Variants in HSF4 observed in about 807,000 individuals in gnomAD.
The protein encoded by HSF4 is heat shock factor protein 4.
Under a neutral mutation model 52.0 loss-of-function variants are expected in HSF4, and 41 were observed. That is an observed-to-expected ratio of 0.79 (90% CI 0.61 to 1.02). HSF4 has a LOEUF of 1.02. Among genes scored for constraint, HSF4 ranks in the 50% least tolerant of loss-of-function variants. HSF4 has a pLI of 0.00. For missense variants in HSF4, 610 were observed against 651.1 expected, an observed-to-expected ratio of 0.94 and a Z score of 0.69; for synonymous variants, 285 against 273.0, an observed-to-expected ratio of 1.04 and a Z score of -0.43.
At chr16:67,164,116 A>AG (rs2031065292), upstream of HSF4, 2 of 670,098 alleles carry the variant, frequency 3.0e-6, no homozygotes, top group Non-Finnish European at 5.5e-6. Context: ...AGGGAGAGGG[A>AG]GGGCACGGGC....
At chr16:67,164,100 C>T (rs1459145609), upstream of HSF4, 3 of 680,712 alleles carry the variant, frequency 4.4e-6, no homozygotes, top group South Asian at 1.5e-5. Flanking sequence ...TCCGCGGCCC[C>T]GGCGCAGGGA....
upstream of HSF4, chr16:67,164,558 A>ACCCCCCCCCCCCCCCCCCCCC: frequency 2.7e-6 from 1 of 376,948 alleles, no homozygotes. Context: ...ATCTCACCCC[A>ACCCCCCCCCCCCCCCCCCCCC]CCCCACCCCA....
At chr16:67,164,714 G>A (rs1390448091), upstream of HSF4, 1 of 1,385,758 alleles carries the variant, frequency 7.2e-7, no homozygotes, top group South Asian at 1.5e-5. Context: ...GCCCCGGGGC[G>A]GAGTAGGGCG....
At chr16:67,167,371 C>T in intron 7 of HSF4, 104 bp from the exon 8 acceptor site, 2 of 1,611,138 alleles carry the variant, frequency 1.2e-6, no homozygotes, top group Admixed American at 1.7e-5. Context: ...TGAGCCTCCT[C>T]CCTCAAACCT....
In HSF4 at chr16:67,169,492, T is replaced by G; in HGVS notation, c.1325-139T>G. ...AGCGTTCCTTGAGCCACCCATGCCCTCACCATTGGGCGAGAGTGGGGAGGT... is the reference window on the plus strand; with the variant it reads ...AGCGTTCCTTGAGCCACCCATGCCCGCACCATTGGGCGAGAGTGGGGAGGT... On this transcript the variant is annotated intron_variant, in intron 12 of 12. Coordinates refer to ENST00000521374, the MANE Select transcript of HSF4 (RefSeq NM_001374675.1). The surrounding 1 kb of genome is among the most constrained non-coding windows in gnomAD (Gnocchi z 4.3). 2.5e-6 allele frequency: 4 copies of G among 1,580,170 alleles called. No individual in the cohort carries two copies. The highest frequency in any genetic ancestry group is 1.1e-5 in the South Asian group (1 of 88,418).
chr16:67,167,790 C>G lies in HSF4; in HGVS notation c.925C>G (p.Leu309Val), dbSNP rs201430635. 1,632 of 1,599,440 alleles carry G rather than the reference C, an allele frequency of 1.0e-3. 12 individuals are homozygous for G. The highest frequency in any genetic ancestry group is 2.1e-4 in the Non-Finnish European group (244 of 1,173,644). ...GGGGGATGGCGAGGCCGGGCTGGCC[C>G]TGGCCCCAAACGAGTGTGACTTCTG... ...PGGDGEAGLA[L>V]APNECDFCVT... The change falls in exon 9 of 13, where the codon CTG (leucine) becomes GTG (valine). Residue 309 changes from leucine to valine, a missense_variant. By Grantham distance (32) the Leu-to-Val change is conservative. Transcript: ENST00000521374.
chr16:67,169,546 C>G lies in HSF4; in HGVS notation c.1325-85C>G. The G allele has an allele frequency of 6.3e-7, 1 of 1,598,314 alleles. No individual in the cohort carries two copies. Among genetic ancestry groups the G allele is most frequent in the Non-Finnish European group, 8.5e-7 (1 of 1,179,300 alleles). On this transcript the variant is annotated intron_variant, in intron 12 of 12. Coordinates refer to ENST00000521374, the MANE Select transcript of HSF4 (RefSeq NM_001374675.1). The surrounding 1 kb of genome is among the most constrained non-coding windows in gnomAD (Gnocchi z 4.3). ...GAATGGATGTTTTATCCTAACTGAGCAGAAGGCAGGCGGGCAGGGCTCTCC... is the reference window on the plus strand; with the variant it reads ...GAATGGATGTTTTATCCTAACTGAGGAGAAGGCAGGCGGGCAGGGCTCTCC...
upstream of HSF4, chr16:67,164,666 G>A: frequency 2.7e-6 from 2 of 746,938 alleles, no homozygotes; most frequent in African/African-American, 1.9e-5. Flanking sequence ...TCCGAGCCCC[G>A]CCCCGCGGGC....
rs1290812813 is a variant in HSF4, at chr16:67,169,730, C to G, written c.1424C>G (p.Thr475Ser). ...GLPGALTIYS[T>S]PESRTASYLG... ...CCTGGGGCTTTAACCATTTATAGCACTCCTGAGAGCCGGACTGCCTCCTAC... is the reference window on the plus strand; with the variant it reads ...CCTGGGGCTTTAACCATTTATAGCAGTCCTGAGAGCCGGACTGCCTCCTAC... The change falls in exon 13 of 13, where the codon ACT becomes AGT. Residue 475 changes from threonine to serine, a missense_variant. By Grantham distance (58) the Thr-to-Ser change is moderately conservative (BLOSUM62 1). Transcript: ENST00000521374. The surrounding 1 kb of genome is among the most constrained non-coding windows in gnomAD (Gnocchi z 4.3). 1 of 1,613,026 alleles carries G rather than the reference C, an allele frequency of 6.2e-7. No individual in the cohort carries two copies. The highest frequency in any genetic ancestry group is 8.5e-7 in the Non-Finnish European group (1 of 1,180,008).
At position 67,166,317 on chromosome 16, in the gene HSF4, C is replaced by G; in HGVS notation, c.486-3C>G. On this transcript the variant is annotated splice_region_variant and splice_polypyrimidine_tract_variant and intron_variant, in intron 4 of 12. Transcript: ENST00000521374. ...CCTCAGCACCCTCCCACCCCTTCCT[C>G]AGGCAGAACGAGATCTTGTGGCGGG... 6.2e-7 allele frequency: 1 copy of G among 1,612,066 alleles called. No individual in the cohort carries two copies. The highest frequency in any genetic ancestry group is 8.5e-7 in the Non-Finnish European group (1 of 1,179,060).
Position 67,169,587 on chromosome 16 carries a change from A to AGGGG in HSF4, c.1325-42_1325-39dup. ...AGGGCTCTCCTTCCCTGAAGAAAGG[A>AGGGG]GGGGGAACATTTCCCCTGGTGAGCG... is the stretch of plus-strand genomic sequence containing the variant. On this transcript the variant is annotated intron_variant, in intron 12 of 12. Coordinates refer to ENST00000521374, the MANE Select transcript of HSF4 (RefSeq NM_001374675.1). The surrounding 1 kb of genome is among the most constrained non-coding windows in gnomAD (Gnocchi z 4.3). 1.2e-6 allele frequency: 2 copies of AGGGG among 1,601,128 alleles called. No individual in the cohort carries two copies. The highest frequency in any genetic ancestry group is 1.7e-6 in the Non-Finnish European group (2 of 1,179,752).
In HSF4 at chr16:67,169,178, G is replaced by A; in HGVS notation, c.1254+77G>A. The A allele has an allele frequency of 6.2e-7, 1 of 1,605,980 alleles. No homozygotes were observed. The highest frequency in any genetic ancestry group is 2.2e-5 in the East Asian group (1 of 44,830). ...TCTGGTCCATAGCTGTTCTCTGTGA[G>A]CCAAAGCCGTGTCTCTAGAAGAATT... On this transcript the variant is annotated intron_variant, in intron 11 of 12. Coordinates refer to ENST00000521374, the MANE Select transcript of HSF4 (RefSeq NM_001374675.1). This position sits in a 1 kb window ranked among gnomAD's most constrained non-coding sequence, Gnocchi z 4.3.
Position 67,169,631 on chromosome 16 carries a change from G to C in HSF4, c.1325G>C (p.Gly442Ala). ...AVKGLNSPSP[G>A]KDPTLGAPLL... ...GTGAGCGCAGTCCCACTTCTCCTAG[G>C]GAAGGACCCCACGCTCGGGGCCCCA... is the stretch of plus-strand genomic sequence containing the variant. Residue 442 changes from glycine (G) to alanine (A), a missense_variant and splice_region_variant, in exon 13 of 13, where the codon GGG becomes GCG. Coordinates refer to ENST00000521374, the MANE Select transcript of HSF4 (RefSeq NM_001374675.1). This position sits in a 1 kb window ranked among gnomAD's most constrained non-coding sequence, Gnocchi z 4.3. 1 of 1,607,050 alleles carries C rather than the reference G, an allele frequency of 6.2e-7. No homozygotes were observed. The highest frequency in any genetic ancestry group is 1.3e-5 in the African/African-American group (1 of 75,034).
chr16:67,167,456 C>A lies in HSF4; in HGVS notation c.730-19C>A, dbSNP rs2031389716. On this transcript the variant is annotated intron_variant, in intron 7 of 12. Transcript: ENST00000521374. ...CTGTGCCTACAGGCCAAGGGCTGGGCCTAGCCTTCTACTTACAGCCTCTCC... is the reference window on the plus strand; with the variant it reads ...CTGTGCCTACAGGCCAAGGGCTGGGACTAGCCTTCTACTTACAGCCTCTCC... The A allele has an allele frequency of 6.2e-7, 1 of 1,613,722 alleles. No homozygotes were observed. The highest frequency in any genetic ancestry group is 8.5e-7 in the Non-Finnish European group (1 of 1,180,042).
chr16:67,168,748 A>G, intron 9 of HSF4, 83 bp from the exon 10 acceptor site: 1 of 1,002,320 alleles, frequency 1.0e-6, no homozygotes, highest in Non-Finnish European at 1.6e-6. Context: ...AGATTGGGGG[A>G]TTAAAATCTT....
chr16:67,166,264 G>C (rs2031283092), intron 4 of HSF4, 56 bp from the exon 5 acceptor site: 1 of 1,525,834 alleles, frequency 6.6e-7, no homozygotes, highest in African/African-American at 1.4e-5. Flanking sequence ...ATTCTGTGGG[G>C]GGTGGTGACT....
intron 6 of HSF4, 67 bp downstream of exon 6, chr16:67,166,689 C>A (rs1331348533): frequency 8.4e-6 from 12 of 1,424,554 alleles, no homozygotes; most frequent in Non-Finnish European, 1.2e-5. Flanking sequence ...CTTGCAAGGA[C>A]CCCTTCTCCT....
At position 67,165,643 on chromosome 16, in the gene HSF4, G is replaced by A; in HGVS notation, c.232+13G>A. Reference sequence around the variant, plus strand: ...CAACTCAACATGTGTGAGTCCCTACGGCCGGGCGGGGAGCGGGGATGGGGG... The same window carrying A: ...CAACTCAACATGTGTGAGTCCCTACAGCCGGGCGGGGAGCGGGGATGGGGG... On this transcript the variant is annotated intron_variant, in intron 2 of 12. Coordinates refer to ENST00000521374, the MANE Select transcript of HSF4 (RefSeq NM_001374675.1). This position sits in a 1 kb window ranked among gnomAD's most constrained non-coding sequence, Gnocchi z 6.9. 3 of 1,612,772 alleles carry A rather than the reference G, an allele frequency of 1.9e-6. No homozygotes were observed. Among genetic ancestry groups the A allele is most frequent in the Non-Finnish European group, 2.5e-6 (3 of 1,179,876 alleles).
rs533205927 is a variant in HSF4, at chr16:67,169,381, C to T, written c.1324+33C>T. On this transcript the variant is annotated intron_variant, in intron 12 of 12. Coordinates refer to ENST00000521374, the MANE Select transcript of HSF4 (RefSeq NM_001374675.1). The surrounding 1 kb of genome is among the most constrained non-coding windows in gnomAD (Gnocchi z 4.3). ...TTGTGATGACTCCTACCTGGGAGGA[C>T]GCCGTGATTGGGCTGAGCTACCTTG... 10 of 1,603,904 alleles carry T rather than the reference C, an allele frequency of 6.2e-6. No homozygotes were observed. The highest frequency in any genetic ancestry group is 4.5e-5 in the South Asian group (4 of 89,646).
Sources: allele counts gnomAD v4.1 joint callset, GRCh38; gene constraint gnomAD v4.1.1; non-coding constraint Gnocchi (gnomAD v3.1); transcripts MANE v1.5; gene names NCBI Gene and HGNC (gene_info 2026-07-23, HGNC 2026-07-21).